Variants in MTUS2 observed in about 807,000 individuals in gnomAD.
MTUS2 encodes microtubule associated scaffold protein 2, also known as microtubule-associated tumor suppressor candidate 2.
MTUS2 carries 40 observed loss-of-function variants against 114.1 expected under a neutral mutation model. The ratio of observed to expected loss-of-function variants is 0.35; its 90% confidence interval spans 0.27 to 0.46. The LOEUF (loss-of-function observed/expected upper bound fraction) is 0.46. MTUS2 is among the 20% of genes least tolerant of loss of function. The pLI, the probability that MTUS2 is intolerant of heterozygous loss-of-function variation, is 1.00. For missense variants in MTUS2, 1,679 were observed against 1,705.4 expected, an observed-to-expected ratio of 0.98 and a Z score of 0.27; for synonymous variants, 688 against 672.0, an observed-to-expected ratio of 1.02 and a Z score of -0.37.
chr13:29,404,276 G>A (rs1420807363), intron 8 of MTUS2, among the ~76,000 whole-genome samples: 4 of 152,012 alleles, frequency 2.6e-5, no homozygotes, highest in African/African-American at 7.3e-5. Context: ...ACCTGAGCCT[G>A]GAGAGGTCGA....
At chr13:29,439,132 G>A (rs1877640603) in intron 8 of MTUS2, among the ~76,000 whole-genome samples, 1 of 152,252 alleles carries the variant, frequency 6.6e-6, no homozygotes. Context: ...CAGAATGACA[G>A]AGACTTTCTT....
At chr13:28,986,089 A>C (rs58664592) in intron 2 of MTUS2, among the ~76,000 whole-genome samples, 5 of 152,154 alleles carry the variant, frequency 3.3e-5, no homozygotes, top group South Asian at 2.1e-4. Context: ...GATGGCTTCC[A>C]AAGTTTCCTT....
intron 4 of MTUS2, among the ~76,000 whole-genome samples, chr13:29,049,434 G>A (rs768086773): frequency 6.6e-6 from 1 of 152,182 alleles, no homozygotes; most frequent in Non-Finnish European, 1.5e-5. Flanking sequence ...TCAGTCATAT[G>A]CCAAACATCA....
Position 29,101,312 on chromosome 13 carries a change from A to T in MTUS2, c.2644+342A>T, listed in dbSNP as rs570772523. Among the ~76,000 whole-genome samples, 30 of 152,180 alleles carry T rather than the reference A, an allele frequency of 2.0e-4. No individual in the cohort carries two copies. The South Asian group carries it at 6.2e-3, about 32-fold the overall frequency. On this transcript the variant is annotated intron_variant, in intron 5 of 15. Transcript: ENST00000612955. The stretch of plus-strand genomic sequence containing the variant: ...TACCTACATTGTGCTGTCATGAAAC[A>T]TACTAGATATTTAATATTAGCTGAA...
At position 29,034,077 on chromosome 13, in the gene MTUS2, C is replaced by G. The variant is rs1886953138; in HGVS notation, c.2398C>G (p.Pro800Ala). The G allele has an allele frequency of 1.2e-6, 2 of 1,613,894 alleles. No homozygotes were observed. The highest frequency in any genetic ancestry group is 1.7e-6 in the Non-Finnish European group (2 of 1,179,910). ...QRSSASAIHP[P>A]GPITTATSLY... is the part of the protein sequence containing the mutation. ...GTCTTCAGCGAGCGCCATCCACCCA[C>G]CAGGACCCATAACAACAGCCACCAG... Residue 800 changes from proline (P) to alanine (A), a missense_variant, in exon 4 of 16, where the codon CCA (proline) becomes GCA (alanine). Physicochemically the swap from Pro to Ala is conservative, Grantham distance 27. Coordinates refer to ENST00000612955, the MANE Select transcript of MTUS2 (RefSeq NM_001033602.4).
At chr13:29,502,274 G>A (rs1198981869) in intron 15 of MTUS2, among the ~76,000 whole-genome samples, 1 of 152,232 alleles carries the variant, frequency 6.6e-6, no homozygotes, top group East Asian at 1.9e-4. Context: ...ACTTATTCCT[G>A]TCAGTTCCTC....
chr13:29,247,687 A>G (rs1896976714), intron 5 of MTUS2, among the ~76,000 whole-genome samples: 1 of 152,242 alleles, frequency 6.6e-6, no homozygotes, highest in Admixed American at 6.5e-5. Context: ...ATGCAAATCA[A>G]AACTACAATG....
At chr13:29,351,110 A>T (rs1475997298) in intron 7 of MTUS2, among the ~76,000 whole-genome samples, 1 of 151,998 alleles carries the variant, frequency 6.6e-6, no homozygotes, top group Non-Finnish European at 1.5e-5. Context: ...AAGGATGGCA[A>T]CCTGGAAATG....
At chr13:29,137,430 T>C (rs1892026415) in intron 5 of MTUS2, among the ~76,000 whole-genome samples, 1 of 152,102 alleles carries the variant, frequency 6.6e-6, no homozygotes, top group South Asian at 2.1e-4. Context: ...TATTTCTTCA[T>C]ATATTCTCTC....
chr13:29,361,516 G>A (rs1487366024), intron 8 of MTUS2, among the ~76,000 whole-genome samples: 1 of 152,028 alleles, frequency 6.6e-6, no homozygotes, highest in Non-Finnish European at 1.5e-5. Context: ...TTTTATGCAG[G>A]CCGTCATGCA....
chr13:28,977,642 G>A (rs139106889), intron 2 of MTUS2, among the ~76,000 whole-genome samples: 246 of 152,086 alleles, frequency 1.6e-3, no homozygotes, highest in South Asian at 4.0e-3. Context: ...ATGTTACTTC[G>A]CTGTATTATC....
chr13:29,015,299 T>G (rs1285106396), intron 2 of MTUS2, among the ~76,000 whole-genome samples: 2 of 152,158 alleles, frequency 1.3e-5, no homozygotes, highest in Admixed American at 6.5e-5. Flanking sequence ...ATTTGAATGA[T>G]GGTCATTCTA....
At chr13:29,047,106 A>C (rs1887659938) in intron 4 of MTUS2, among the ~76,000 whole-genome samples, 1 of 152,176 alleles carries the variant, frequency 6.6e-6, no homozygotes, top group Non-Finnish European at 1.5e-5. Flanking sequence ...CCTTTGTTTG[A>C]GTGTTCAATT....
intron 14 of MTUS2, among the ~76,000 whole-genome samples, chr13:29,498,906 C>T (rs1882719023): frequency 6.6e-6 from 1 of 152,206 alleles, no homozygotes; most frequent in Non-Finnish European, 1.5e-5. Flanking sequence ...CGCCTAACTC[C>T]TACGGCTGCC....
chr13:29,377,457 A>T (rs1871840250), intron 8 of MTUS2, among the ~76,000 whole-genome samples: 2 of 152,130 alleles, frequency 1.3e-5, no homozygotes, highest in South Asian at 4.1e-4. Flanking sequence ...TTAAACACAA[A>T]CCAATAAGAC....
intron 5 of MTUS2, among the ~76,000 whole-genome samples, chr13:29,162,806 G>A (rs536568628): frequency 6.6e-6 from 1 of 152,342 alleles, no homozygotes; most frequent in South Asian, 2.1e-4. Context: ...GGACTGCTGA[G>A]TCACTGCAGC....
intron 2 of MTUS2, among the ~76,000 whole-genome samples, chr13:28,965,288 C>T (rs1377891618): frequency 6.6e-6 from 1 of 152,132 alleles, no homozygotes; most frequent in African/African-American, 2.4e-5. Context: ...AACAAGTGGC[C>T]TCTAAGTCAC....
chr13:29,121,254 A>G (rs1005749885), intron 5 of MTUS2, among the ~76,000 whole-genome samples: 1 of 152,182 alleles, frequency 6.6e-6, no homozygotes, highest in African/African-American at 2.4e-5. Context: ...ACTAAGAATA[A>G]CTACAGAAAT....
intron 5 of MTUS2, among the ~76,000 whole-genome samples, chr13:29,124,519 TGAC>T (rs1891437158): frequency 6.6e-6 from 1 of 152,154 alleles, no homozygotes; most frequent in South Asian, 2.1e-4. Context: ...GAAAACAAGA[TGAC>T]AATTCCTCAA....
Sources: gnomAD v4.1 joint callset for allele counts (sites outside exome capture counted in the v4.1 genomes callset) on GRCh38, gnomAD v4.1.1 for gene constraint, MANE v1.5 for transcripts, NCBI Gene and HGNC (gene_info 2026-07-23, HGNC 2026-07-21) for gene names.